The following TANC1 variants were observed in gnomAD, a reference collection of about 807,000 sequenced individuals.
TANC1 encodes the protein protein TANC1.
TANC1 carries 77 observed loss-of-function variants against 149.7 expected under a neutral mutation model. That is an observed-to-expected ratio of 0.51 (90% CI 0.43 to 0.62). The LOEUF (loss-of-function observed/expected upper bound fraction) is 0.62, where lower values mean the gene tolerates loss of function less well. TANC1 is among the 20% of genes least tolerant of loss of function. TANC1 has a pLI of 0.00. For missense variants in TANC1, 1,985 were observed against 2,321.8 expected (o/e 0.85, Z 2.98); for synonymous variants, 854 against 925.0 (o/e 0.92, Z 1.39).
At chr2:159,148,173 A>G (rs1467405460) in intron 5 of TANC1, 1 of 152,268 alleles carries the variant, frequency 6.6e-6, no homozygotes, top group Non-Finnish European at 1.5e-5. Flanking sequence ...ACTATGTCAT[A>G]GGTTACTTAT....
In TANC1 at chr2:159,097,624, C is replaced by T; in HGVS notation, c.62-13C>T. 1 of 1,603,864 alleles carries T rather than the reference C, an allele frequency of 6.2e-7. No individual in the cohort carries two copies. ...ATGGATGGTTTAACCTAAGTATTCT[C>T]TCTCTACTCTAGGAAGTGACTTTGG... On this transcript the variant is annotated splice_polypyrimidine_tract_variant and intron_variant, in intron 3 of 26. Transcript: ENST00000263635.
chr2:158,975,361 A>G (rs2033521441), intron 1 of TANC1, among the ~76,000 whole-genome samples: 1 of 152,084 alleles, frequency 6.6e-6, no homozygotes, highest in Admixed American at 6.6e-5. Flanking sequence ...CTGGCCATGT[A>G]CTTAAGGGTA....
intron 16 of TANC1, among the ~76,000 whole-genome samples, chr2:159,188,576 G>T (rs1559423572): frequency 6.6e-6 from 1 of 152,260 alleles, no homozygotes; most frequent in Non-Finnish European, 1.5e-5. Context: ...CAACAGAAAG[G>T]AGAGGAGAAC....
chr2:159,114,939 G>A (rs1353977842), intron 4 of TANC1, among the ~76,000 whole-genome samples: 1 of 152,168 alleles, frequency 6.6e-6, no homozygotes, highest in Non-Finnish European at 1.5e-5. Context: ...TTCACGCAGT[G>A]ATTTCATGAG....
At chr2:158,992,953 A>T (rs550846317) in intron 1 of TANC1, among the ~76,000 whole-genome samples, 3,443 of 152,278 alleles carry the variant, frequency 0.023, 54 homozygotes, top group Non-Finnish European at 0.035. Context: ...TGTGTTCTCC[A>T]TCACAGCCGC....
At chr2:159,093,064 GTC>G (rs2045714278) in intron 3 of TANC1, among the ~76,000 whole-genome samples, 1 of 152,184 alleles carries the variant, frequency 6.6e-6, no homozygotes, top group African/African-American at 2.4e-5. Context: ...AGGTGGGACT[GTC>G]TGTGGTGTGT....
chr2:159,164,260 G>A (rs1005538939), intron 8 of TANC1, among the ~76,000 whole-genome samples: 2 of 151,564 alleles, frequency 1.3e-5, no homozygotes, highest in African/African-American at 4.9e-5. Context: ...AAATACCCAA[G>A]GAAAAAAATC....
At position 159,079,818 on chromosome 2, in the gene TANC1, C is replaced by A. The variant is rs116013251; in HGVS notation, c.61+13847C>A. Among the ~76,000 whole-genome samples, 318 of 152,294 alleles carry A rather than the reference C, an allele frequency of 2.1e-3. 2 individuals carry two copies. Among genetic ancestry groups the A allele is most frequent in the African/African-American group, 7.1e-3 (295 of 41,554 alleles). ...ACAAATGAGAACTCACACCTACCCA[C>A]CCCCAAGTGCATGTCTTCATCATGT... On this transcript the variant is annotated intron_variant, in intron 3 of 26. Coordinates refer to ENST00000263635, the MANE Select transcript of TANC1 (RefSeq NM_033394.3).
chr2:159,084,378 A>C (rs1026755128), intron 3 of TANC1, among the ~76,000 whole-genome samples: 1 of 152,188 alleles, frequency 6.6e-6, no homozygotes, highest in Non-Finnish European at 1.5e-5. Context: ...TTTTTCTAGA[A>C]TGTGAGCTAA....
At chr2:159,119,099 C>T (rs1319304291) in intron 4 of TANC1, among the ~76,000 whole-genome samples, 1 of 152,172 alleles carries the variant, frequency 6.6e-6, no homozygotes, top group Non-Finnish European at 1.5e-5. Flanking sequence ...AAGCCTCTGT[C>T]ATATTTTTCT....
At chr2:158,993,830 C>T (rs769709896) in intron 1 of TANC1, among the ~76,000 whole-genome samples, 6 of 152,158 alleles carry the variant, frequency 3.9e-5, no homozygotes, top group Non-Finnish European at 1.5e-5. Context: ...GAAGAGAAGA[C>T]ATTACCTTTT....
chr2:159,225,425 G>C (rs2059963473), intron 23 of TANC1: 2 of 542,202 alleles, frequency 3.7e-6, no homozygotes, highest in Non-Finnish European at 6.6e-6. Context: ...CCACCCGGAA[G>C]GGAGGAATGA....
chr2:159,133,460 C>T (rs2050318639), intron 4 of TANC1, among the ~76,000 whole-genome samples: 1 of 151,640 alleles, frequency 6.6e-6, no homozygotes, highest in South Asian at 2.1e-4. Context: ...GCTTACAAGA[C>T]CCTCCTACCT....
At chr2:159,215,969 T>C (rs146042725) in intron 19 of TANC1, among the ~76,000 whole-genome samples, 301 of 152,300 alleles carry the variant, frequency 2.0e-3, no homozygotes, top group African/African-American at 6.5e-3. Flanking sequence ...CATTTTTGCT[T>C]GTGTTTCTGG....
intron 1 of TANC1, among the ~76,000 whole-genome samples, chr2:158,989,868 C>T (rs1221950138): frequency 6.6e-6 from 1 of 151,806 alleles, no homozygotes; most frequent in Non-Finnish European, 1.5e-5. Context: ...CCTCTAATGC[C>T]CTTGGATAAA....
chr2:158,980,890 C>T (rs2034232834), intron 1 of TANC1, among the ~76,000 whole-genome samples: 2 of 151,988 alleles, frequency 1.3e-5, no homozygotes, highest in African/African-American at 4.8e-5. Context: ...TTGTTTGTCT[C>T]TTTCGTCTTT....
chr2:158,982,224 T>G (rs2034466302), intron 1 of TANC1, among the ~76,000 whole-genome samples: 1 of 152,208 alleles, frequency 6.6e-6, no homozygotes, highest in Non-Finnish European at 1.5e-5. Flanking sequence ...TTTTCTGCAT[T>G]AAAATTTGCC....
chr2:159,203,968 C>CT (rs2058433673), intron 19 of TANC1, among the ~76,000 whole-genome samples: 2 of 152,344 alleles, frequency 1.3e-5, no homozygotes, highest in Non-Finnish European at 2.9e-5. Flanking sequence ...CCCAATAGAA[C>CT]TTTCCGTAAT....
rs932891114 is a variant in TANC1 at position 159,169,678 on chromosome 2, T to C, written c.1069+306T>C. ...ACACTCATTAGGTGTTTATTACTAA[T>C]AAAGTATAAGCTTTGTTTCAATTCT... On this transcript the variant is annotated intron_variant, in intron 9 of 26. Coordinates refer to ENST00000263635, the MANE Select transcript of TANC1 (RefSeq NM_033394.3). 2.0e-5 allele frequency among the ~76,000 whole-genome samples: 3 copies of C among 152,332 alleles called. No homozygotes were observed. In the South Asian group the frequency reaches 6.2e-4, roughly 32 times the overall value.
Sources: allele counts gnomAD v4.1 joint callset (sites outside exome capture counted in the v4.1 genomes callset), GRCh38; gene constraint gnomAD v4.1.1; transcripts MANE v1.5; gene names NCBI Gene and HGNC (gene_info 2026-07-23, HGNC 2026-07-21).